The following FHOD3 variants were observed in gnomAD, a reference collection of about 807,000 sequenced individuals.
FHOD3 encodes the protein formin homology 2 domain containing 3, also known as FH1/FH2 domain-containing protein 3.
FHOD3 carries 90 observed loss-of-function variants against 173.0 expected under a neutral mutation model. The observed-to-expected ratio is 0.52, with a 90% confidence interval of 0.44 to 0.62. The LOEUF is 0.62. Ranked by LOEUF, FHOD3 falls within the 20% of genes least tolerant of loss-of-function variation. The probability of loss-of-function intolerance (pLI) is 0.00; values close to 1 mark genes in which losing one functional copy is unlikely to be tolerated. For missense variants in FHOD3, 1,945 were observed against 2,034.7 expected (o/e 0.96, Z 0.85); for synonymous variants, 828 against 823.0 (o/e 1.01, Z -0.10).
intron 5 of FHOD3, among the ~76,000 whole-genome samples, chr18:36,549,532 CTTT>C (rs386387404): frequency 1.4e-5 from 1 of 71,218 alleles, no homozygotes; most frequent in African/African-American, 5.7e-5. Context: ...TCTAAGAAAT[CTTT>C]TTTTTTTTTT....
intron 4 of FHOD3, among the ~76,000 whole-genome samples, chr18:36,504,649 C>T (rs757696790): frequency 4.6e-5 from 7 of 151,852 alleles, no homozygotes; most frequent in Non-Finnish European, 8.8e-5. Flanking sequence ...TGCTAAATGA[C>T]GAGTTAATGG....
chr18:36,378,098 T>C (rs2047538157), intron 3 of FHOD3, among the ~76,000 whole-genome samples: 1 of 152,162 alleles, frequency 6.6e-6, no homozygotes, highest in South Asian at 2.1e-4. Flanking sequence ...GATGCCAGGA[T>C]CCTCTGATTC....
chr18:36,558,810 A>G (rs1392308776), intron 5 of FHOD3, among the ~76,000 whole-genome samples: 1 of 152,232 alleles, frequency 6.6e-6, no homozygotes, highest in African/African-American at 2.4e-5. Flanking sequence ...ATGGTGTGTC[A>G]TCATTGGAAC....
At chr18:36,538,652 T>C (rs986138713) in intron 5 of FHOD3, among the ~76,000 whole-genome samples, 2 of 152,220 alleles carry the variant, frequency 1.3e-5, no homozygotes, top group African/African-American at 4.8e-5. Context: ...AATGAAATTA[T>C]TGGCACATAC....
At chr18:36,427,469 T>G (rs1294950464) in intron 3 of FHOD3, among the ~76,000 whole-genome samples, 2 of 152,164 alleles carry the variant, frequency 1.3e-5, no homozygotes, top group African/African-American at 2.4e-5. Flanking sequence ...TGTTCATCCC[T>G]CTTCCCAAAG....
chr18:36,700,916 C>T (rs2039550676), intron 17 of FHOD3, among the ~76,000 whole-genome samples: 1 of 152,206 alleles, frequency 6.6e-6, no homozygotes, highest in African/African-American at 2.4e-5. Context: ...GCTGAGGCAT[C>T]TTCTCTTCTC....
chr18:36,492,203 T>A (rs1236717304), intron 3 of FHOD3, among the ~76,000 whole-genome samples: 3 of 152,158 alleles, frequency 2.0e-5, no homozygotes, highest in South Asian at 2.1e-4. Context: ...CTTCCTCAGT[T>A]TCCCTCTTTG....
Position 36,747,146 on chromosome 18 carries a change from T to C in FHOD3, c.4232+11T>C. 6.3e-7 allele frequency: 1 copy of C among 1,591,042 alleles called. No homozygotes were observed. Among genetic ancestry groups the C allele is most frequent in the Non-Finnish European group, 8.6e-7 (1 of 1,168,860 alleles). ...AAGGATAATCAACAGGTAAGTGGAT[T>C]GAGGAACTTATAGAAATATCAGTAC... On this transcript the variant is annotated intron_variant, in intron 24 of 28. Transcript: ENST00000590592.
chr18:36,440,449 C>T (rs1388733703), intron 3 of FHOD3, among the ~76,000 whole-genome samples: 4 of 152,018 alleles, frequency 2.6e-5, no homozygotes, highest in Non-Finnish European at 4.4e-5. Flanking sequence ...AGGGAAAGGG[C>T]GTGGGGCACT....
chr18:36,739,516 T>G (rs1042704713), intron 20 of FHOD3, among the ~76,000 whole-genome samples: 1 of 152,256 alleles, frequency 6.6e-6, no homozygotes, highest in African/African-American at 2.4e-5. Context: ...TACTGGTATT[T>G]TGATTGGAAT....
At chr18:36,362,188 C>T (rs2046656715) in intron 2 of FHOD3, among the ~76,000 whole-genome samples, 2 of 152,054 alleles carry the variant, frequency 1.3e-5, no homozygotes, top group Admixed American at 1.3e-4. Context: ...GAGTGGGAGG[C>T]CTTGATCAGA....
At chr18:36,468,782 T>G (rs1401704396) in intron 3 of FHOD3, among the ~76,000 whole-genome samples, 2 of 152,172 alleles carry the variant, frequency 1.3e-5, no homozygotes, top group Non-Finnish European at 2.9e-5. Flanking sequence ...GGCCCTGCTG[T>G]GGCTGCCACC....
rs371328026 is a variant in FHOD3, at chr18:36,693,288, G to A, written c.2101G>A (p.Asp701Asn). The A allele has an allele frequency of 5.0e-6, 8 of 1,613,646 alleles. No homozygotes were observed. The highest frequency in any genetic ancestry group is 2.2e-5 in the East Asian group (1 of 44,884). Reference sequence around the variant, plus strand: ...CCGGAGTGTGAGCCGGGGCAGAGCCGACCTCTCCTTGGACCTGACCTCGCC... The same window carrying A: ...CCGGAGTGTGAGCCGGGGCAGAGCCAACCTCTCCTTGGACCTGACCTCGCC... Reference protein sequence around the residue: ...RSRSVSRGRADLSLDLTSPAA... With the variant: ...RSRSVSRGRANLSLDLTSPAA... Residue 701 changes from aspartate (D) to asparagine (N), a missense_variant, in exon 17 of 29, where the codon GAC becomes AAC. Asp to Asn is a conservative substitution (Grantham distance 23). Transcript: ENST00000590592.
intron 5 of FHOD3, among the ~76,000 whole-genome samples, chr18:36,555,031 T>G (rs911736064): frequency 2.6e-5 from 4 of 152,198 alleles, no homozygotes; most frequent in Non-Finnish European, 5.9e-5. Context: ...TTTCCTTTTT[T>G]AATTTCACTG....
chr18:36,348,458 G>A (rs757029269), intron 1 of FHOD3, among the ~76,000 whole-genome samples: 6 of 152,294 alleles, frequency 3.9e-5, no homozygotes, highest in Middle Eastern at 3.4e-3. Flanking sequence ...CTTTGTGGGC[G>A]TGTGACTGAT....
At chr18:36,744,952 A>G (rs2042078860) in intron 23 of FHOD3, among the ~76,000 whole-genome samples, 1 of 152,190 alleles carries the variant, frequency 6.6e-6, no homozygotes, top group Non-Finnish European at 1.5e-5. Context: ...AATAGGGCAC[A>G]GCAACCAGGC....
At chr18:36,455,217 C>T (rs2052112043) in intron 3 of FHOD3, among the ~76,000 whole-genome samples, 1 of 152,174 alleles carries the variant, frequency 6.6e-6, no homozygotes, top group African/African-American at 2.4e-5. Context: ...TACTCCATAC[C>T]TTTCCACTCT....
intron 3 of FHOD3, among the ~76,000 whole-genome samples, chr18:36,375,490 A>G (rs956003959): frequency 5.3e-5 from 8 of 152,224 alleles, no homozygotes; most frequent in African/African-American, 1.9e-4. Context: ...AAATGTCTCA[A>G]AAATAATGCT....
chr18:36,764,300 A>G (rs561255978), intron 27 of FHOD3, among the ~76,000 whole-genome samples: 1 of 152,040 alleles, frequency 6.6e-6, no homozygotes, highest in Admixed American at 6.5e-5. Context: ...GCATAAAACA[A>G]GGATGAGAAA....
Sources: gnomAD v4.1 joint callset for allele counts (sites outside exome capture counted in the v4.1 genomes callset) on GRCh38, gnomAD v4.1.1 for gene constraint, MANE v1.5 for transcripts, NCBI Gene and HGNC (gene_info 2026-07-23, HGNC 2026-07-21) for gene names.